ATAD5: variants seen among roughly 807,000 people sequenced by gnomAD.
ATAD5 encodes ATPase family AAA domain containing 5, also known as ATPase family AAA domain-containing protein 5.
A neutral mutation model predicts 176.9 loss-of-function variants in ATAD5; 58 were observed. The ratio of observed to expected loss-of-function variants is 0.33; its 90% confidence interval spans 0.27 to 0.41. ATAD5 has a LOEUF of 0.41. Among genes scored for constraint, ATAD5 ranks in the 10% least tolerant of loss-of-function variants. The pLI is 1.00. For synonymous variants in ATAD5, 640 were observed against 712.6 expected (o/e 0.90, Z 1.62); for missense variants, 1,789 against 2,094.1 (o/e 0.85, Z 2.84).
intron 6 of ATAD5, among the ~76,000 whole-genome samples, chr17:30,850,447 A>G (rs1350219340): frequency 4.0e-5 from 6 of 150,136 alleles, no homozygotes; most frequent in Admixed American, 6.7e-5. Flanking sequence ...TGCAGCCTCA[A>G]CCTCCTGGGT....
At chr17:30,847,285 G>A (rs1168300130) in intron 6 of ATAD5, among the ~76,000 whole-genome samples, 4 of 151,664 alleles carry the variant, frequency 2.6e-5, no homozygotes, top group African/African-American at 2.4e-5. Context: ...GTTCTTTTTC[G>A]TAGTTAAGTA....
At chr17:30,838,913 C>T (rs1905912749) in intron 3 of ATAD5, among the ~76,000 whole-genome samples, 1 of 152,194 alleles carries the variant, frequency 6.6e-6, no homozygotes, top group Non-Finnish European at 1.5e-5. Context: ...AAGACTTATC[C>T]AGCCTTGTGT....
intron 6 of ATAD5, among the ~76,000 whole-genome samples, chr17:30,850,869 A>ATATATATTTTTTT (rs1555554637): frequency 6.8e-5 from 1 of 14,778 alleles, no homozygotes; most frequent in Non-Finnish European, 1.2e-4. Context: ...ATATATATAT[A>ATATATATTTTTTT]TTTTTTTTTT....
chr17:30,884,553 C>CGAGTA (rs1242299389), intron 18 of ATAD5, among the ~76,000 whole-genome samples: 1 of 150,498 alleles, frequency 6.6e-6, no homozygotes, highest in Non-Finnish European at 1.5e-5. Flanking sequence ...CTCAGCCTCC[C>CGAGTA]GAGTAGCTGG....
Position 30,834,199 on chromosome 17 carries a change from A to C in ATAD5, c.118A>C (p.Thr40Pro). ...TGACACATCTACCTGCAAAACAATT[A>C]CAAAATATTTATCACCACTAGGGAA... ...DDDTSTCKTI[T>P]KYLSPLGKTR... The change falls in exon 2 of 23, where the codon ACA becomes CCA. Residue 40 changes from threonine to proline, a missense_variant. This residue lies in a region of ATAD5 where 696 missense variants were observed against 712.5 expected (regional missense o/e 0.98). Transcript: ENST00000321990. 6.3e-7 allele frequency: 1 copy of C among 1,591,140 alleles called. No individual in the cohort carries two copies. Among genetic ancestry groups the C allele is most frequent in the Non-Finnish European group, 8.5e-7 (1 of 1,173,214 alleles).
chr17:30,844,628 GT>G (rs1408309141), intron 5 of ATAD5, among the ~76,000 whole-genome samples: 14 of 146,012 alleles, frequency 9.6e-5, no homozygotes, highest in Non-Finnish European at 1.9e-4. Context: ...GGTACCCGTA[GT>G]TCCAGCTACT....
rs747826667 is a variant in ATAD5 at position 30,835,712 on chromosome 17, T to C, written c.1631T>C (p.Ile544Thr). The change falls in exon 2 of 23, where the codon ATA becomes ACA. Residue 544 changes from isoleucine to threonine, a missense_variant. This residue lies in a region of ATAD5 where 696 missense variants were observed against 712.5 expected (regional missense o/e 0.98). Transcript: ENST00000321990. The stretch of plus-strand genomic sequence containing the variant: ...AATGAAAGTCTTGTTTATGAAGATA[T>C]AGCAAATGATGACCTTCTAAAGGTT... ...FNNESLVYEDIANDDLLKVSS... is the reference protein window; with the variant it reads ...FNNESLVYEDTANDDLLKVSS... 15 of 1,609,928 alleles carry C rather than the reference T, an allele frequency of 9.3e-6. No homozygotes were observed. Among genetic ancestry groups the C allele is most frequent in the Admixed American group, 3.4e-5 (2 of 58,984 alleles).
intron 6 of ATAD5, 80 bp downstream of exon 6, chr17:30,844,996 G>A (rs1019582597): frequency 5.7e-6 from 7 of 1,230,082 alleles, no homozygotes; most frequent in Non-Finnish European, 7.9e-6. Flanking sequence ...TGATGAGAAA[G>A]CATGTGAATT....
chr17:30,885,092 G>A (rs541567407), intron 18 of ATAD5, among the ~76,000 whole-genome samples: 1 of 152,260 alleles, frequency 6.6e-6, no homozygotes, highest in Non-Finnish European at 1.5e-5. Flanking sequence ...GTAGATTCTA[G>A]ATGTTCTTTT....
At chr17:30,884,749 CT>C (rs71142006) in intron 18 of ATAD5, among the ~76,000 whole-genome samples, 77,490 of 115,522 alleles carry the variant, frequency 0.67, 26,102 homozygotes, top group East Asian at 0.83. Context: ...ATTTCTTTTT[CT>C]TTTTTTTTTT....
chr17:30,844,485 G>A (rs1906346026), intron 5 of ATAD5, among the ~76,000 whole-genome samples: 1 of 151,352 alleles, frequency 6.6e-6, no homozygotes, highest in African/African-American at 2.4e-5. Flanking sequence ...AGTATCTTAT[G>A]TAAAATTTTA....
At position 30,877,468 on chromosome 17, in the gene ATAD5, T is replaced by C. The variant is rs1908740184; in HGVS notation, c.3837T>C (p.Asn1279=). Residue 1279 remains asparagine (N), a synonymous_variant, in exon 16 of 23, where the codon AAT becomes AAC. Transcript: ENST00000321990. ...AAATTACTCAGACTAAATCTACAAA[T>C]GCAACTAATTCAAATGTCAAAGACG... is the stretch of plus-strand genomic sequence containing the variant. ...QKQITQTKST[N]ATNSNVKDVG... is the part of the protein sequence containing the mutation. The C allele has an allele frequency of 1.3e-6, 2 of 1,587,070 alleles. No individual in the cohort carries two copies. Among genetic ancestry groups the C allele is most frequent in the Non-Finnish European group, 1.7e-6 (2 of 1,157,538 alleles).
chr17:30,849,473 ATTTCTCTT>A (rs1488642633), intron 6 of ATAD5, among the ~76,000 whole-genome samples: 2 of 152,050 alleles, frequency 1.3e-5, no homozygotes, highest in Non-Finnish European at 2.9e-5. Flanking sequence ...ATACATCTTC[ATTTCTCTT>A]TTTAATTTTA....
intron 18 of ATAD5, among the ~76,000 whole-genome samples, chr17:30,886,548 G>T (rs1470299119): frequency 6.6e-6 from 1 of 151,852 alleles, no homozygotes; most frequent in Non-Finnish European, 1.5e-5. Context: ...TAGAGATGGG[G>T]TATCACCATG....
At chr17:30,844,465 A>G (rs184604015) in intron 5 of ATAD5, among the ~76,000 whole-genome samples, 5 of 151,722 alleles carry the variant, frequency 3.3e-5, no homozygotes, top group African/African-American at 9.7e-5. Context: ...CGTGCTTATG[A>G]TTGAAATTTA....
rs1395857967 is a variant in ATAD5 at position 30,844,029 on chromosome 17, A to T, written c.2358A>T (p.Lys786Asn). The T allele has an allele frequency of 6.5e-7, 1 of 1,541,024 alleles. No individual in the cohort carries two copies. Among genetic ancestry groups the T allele is most frequent in the Non-Finnish European group, 8.7e-7 (1 of 1,149,046 alleles). The change falls in exon 5 of 23, where the codon AAA (lysine) becomes AAT (asparagine). Residue 786 changes from lysine to asparagine, a missense_variant. Around this residue, in one of 6 missense-constraint regions of ATAD5, gnomAD observed 487 missense variants for 573.6 expected, o/e 0.85. Coordinates refer to ENST00000321990, the MANE Select transcript of ATAD5 (RefSeq NM_024857.5). ...VLGKKLNTSTKNVPGKMKVAP... is the reference protein window; with the variant it reads ...VLGKKLNTSTNNVPGKMKVAP... ...GAAAAAAACTTAACACATCCACTAA[A>T]AATGTACCTGGTAATCAGAGTTAAT... is the stretch of plus-strand genomic sequence containing the variant.
At chr17:30,845,856 G>A (rs889523995) in intron 6 of ATAD5, among the ~76,000 whole-genome samples, 1 of 152,056 alleles carries the variant, frequency 6.6e-6, no homozygotes, top group African/African-American at 2.4e-5. Context: ...AAAATCCCTC[G>A]ATGATTAATG....
At position 30,854,563 on chromosome 17, in the gene ATAD5, C is replaced by T. The variant is rs1016355174; in HGVS notation, c.2451-580C>T. 4.7e-5 allele frequency among the ~76,000 whole-genome samples: 7 copies of T among 150,312 alleles called. No homozygotes were observed. The East Asian group carries it at 5.9e-4, about 13-fold the overall frequency. ...ATTTTTGTATTTTTAGTAGAGATGGCGTTTCGTCATGTTGGCCAGGCTGGT... is the reference window on the plus strand; with the variant it reads ...ATTTTTGTATTTTTAGTAGAGATGGTGTTTCGTCATGTTGGCCAGGCTGGT... On this transcript the variant is annotated intron_variant, in intron 6 of 22. Transcript: ENST00000321990.
intron 6 of ATAD5, among the ~76,000 whole-genome samples, chr17:30,846,672 A>G (rs935888760): frequency 6.6e-6 from 1 of 150,626 alleles, no homozygotes. Flanking sequence ...AAGTGCTGGG[A>G]TTATAGGCGT....
Sources: allele counts gnomAD v4.1 joint callset (sites outside exome capture counted in the v4.1 genomes callset), GRCh38; gene constraint gnomAD v4.1.1; regional missense constraint gnomAD v4.1.1; transcripts MANE v1.5; gene names NCBI Gene and HGNC (gene_info 2026-07-23, HGNC 2026-07-21).